EPB41L2: variants seen among roughly 807,000 people sequenced by gnomAD.
EPB41L2 encodes band 4.1-like protein 2.
Under a neutral mutation model 113.0 loss-of-function variants are expected in EPB41L2, and 43 were observed. The observed-to-expected ratio is 0.38, with a 90% CI of 0.30 to 0.49. The LOEUF is 0.49. EPB41L2 is among the 20% of genes least tolerant of loss of function. The pLI is 0.95. For synonymous variants in EPB41L2, 442 were observed against 436.7 expected (o/e 1.01, Z -0.15); for missense variants, 1,147 against 1,223.4 (o/e 0.94, Z 0.93).
intron 1 of EPB41L2, among the ~76,000 whole-genome samples, chr6:130,977,097 G>T (rs1158109195): frequency 1.3e-5 from 2 of 152,166 alleles, no homozygotes; most frequent in African/African-American, 4.8e-5. Context: ...AGGAGCAGAT[G>T]CTACCACTCG....
intron 4 of EPB41L2, among the ~76,000 whole-genome samples, chr6:130,914,418 T>C (rs555680461): frequency 2.6e-5 from 4 of 152,186 alleles, no homozygotes; most frequent in Non-Finnish European, 5.9e-5. Flanking sequence ...CAAAATAGGG[T>C]CACTGTATTC....
chr6:130,900,931 G>T, intron 7 of EPB41L2, 31 bp downstream of exon 7: 1 of 1,605,008 alleles, frequency 6.2e-7, no homozygotes, highest in Non-Finnish European at 8.5e-7. Flanking sequence ...ATCTCCCATG[G>T]CCATTCTCTC....
rs542129510 is a variant in EPB41L2, at chr6:130,873,611, G to A, written c.2044-3485C>T. On this transcript the variant is annotated intron_variant, in intron 14 of 19. Coordinates refer to ENST00000337057, the MANE Select transcript of EPB41L2 (RefSeq NM_001431.4). Reference sequence around the variant, plus strand: ...CTCCCCAGTAGCTGGGATTATAGGCGTGCAGCACCATGCCCAGCTAATTTT... The same window carrying A: ...CTCCCCAGTAGCTGGGATTATAGGCATGCAGCACCATGCCCAGCTAATTTT... Among the ~76,000 whole-genome samples the A allele has an allele frequency of 1.1e-4, 17 of 152,252 alleles. No homozygotes were observed. In the South Asian group the frequency reaches 2.7e-3, roughly 24 times the overall value.
intron 19 of EPB41L2, among the ~76,000 whole-genome samples, chr6:130,850,154 C>T (rs1014589114): frequency 2.0e-5 from 3 of 152,128 alleles, no homozygotes; most frequent in African/African-American, 7.2e-5. Context: ...AGGAGAAACG[C>T]TTGAACCTGG....
intron 3 of EPB41L2, among the ~76,000 whole-genome samples, chr6:130,953,252 T>G (rs1303510584): frequency 6.6e-6 from 1 of 152,060 alleles, no homozygotes; most frequent in Non-Finnish European, 1.5e-5. Flanking sequence ...CTTACTCCTA[T>G]CCCTAAGACC....
chr6:131,023,828 G>A (rs1224721632), intron 1 of EPB41L2, among the ~76,000 whole-genome samples: 1 of 150,810 alleles, frequency 6.6e-6, no homozygotes, highest in Non-Finnish European at 1.5e-5. Flanking sequence ...GTCTATAGGA[G>A]TATTTAACTC....
intron 1 of EPB41L2, among the ~76,000 whole-genome samples, chr6:130,966,085 G>T (rs906893585): frequency 6.6e-6 from 1 of 152,090 alleles, no homozygotes; most frequent in Non-Finnish European, 1.5e-5. Context: ...TTACAAATTT[G>T]TGTTGGGCAG....
intron 1 of EPB41L2, among the ~76,000 whole-genome samples, chr6:130,995,252 A>G (rs1253718579): frequency 6.6e-6 from 1 of 152,126 alleles, no homozygotes; most frequent in East Asian, 1.9e-4. Context: ...GGAGAATGGC[A>G]TGAACCTGGG....
chr6:130,911,333 C>A (rs1799322871), intron 4 of EPB41L2, among the ~76,000 whole-genome samples: 1 of 151,982 alleles, frequency 6.6e-6, no homozygotes, highest in Non-Finnish European at 1.5e-5. Flanking sequence ...AACACATGGA[C>A]ACGGAGAGGG....
chr6:131,052,569 G>C (rs1028138321), intron 1 of EPB41L2, among the ~76,000 whole-genome samples: 12 of 152,140 alleles, frequency 7.9e-5, no homozygotes, highest in Admixed American at 5.2e-4. Context: ...ATAAGGAAAA[G>C]GATAAGGATC....
chr6:130,933,130 G>A (rs3822864), intron 3 of EPB41L2, among the ~76,000 whole-genome samples: 10,950 of 152,212 alleles, frequency 0.072, 616 homozygotes, highest in African/African-American at 0.14. Context: ...TCATCTTTAT[G>A]CAGAAAGGAC....
intron 8 of EPB41L2, among the ~76,000 whole-genome samples, chr6:130,896,294 T>G (rs1214416955): frequency 6.6e-6 from 1 of 152,214 alleles, no homozygotes; most frequent in Non-Finnish European, 1.5e-5. Flanking sequence ...TTTTAAAAAA[T>G]CCAATCAATT....
At chr6:131,043,370 T>C (rs972273680) in intron 1 of EPB41L2, among the ~76,000 whole-genome samples, 4 of 151,496 alleles carry the variant, frequency 2.6e-5, no homozygotes, top group African/African-American at 7.3e-5. Context: ...GGTATACTCT[T>C]TGAGTGGTTT....
At chr6:130,902,315 C>G (rs998540985) in intron 6 of EPB41L2, among the ~76,000 whole-genome samples, 36 of 152,206 alleles carry the variant, frequency 2.4e-4, no homozygotes, top group African/African-American at 7.5e-4. Flanking sequence ...CTTGTTGTTA[C>G]TGGGTCAGAG....
intron 1 of EPB41L2, among the ~76,000 whole-genome samples, chr6:130,998,870 T>C (rs932264464): frequency 3.9e-5 from 6 of 152,292 alleles, no homozygotes; most frequent in Admixed American, 3.3e-4. Context: ...GAAACCTCAG[T>C]GACTCCACTG....
chr6:131,003,928 C>T (rs1011841577), intron 1 of EPB41L2, among the ~76,000 whole-genome samples: 4 of 152,200 alleles, frequency 2.6e-5, no homozygotes, highest in Admixed American at 2.0e-4. Flanking sequence ...GCCCACCCAA[C>T]GCTGTTGAAC....
chr6:131,004,586 A>G (rs1785038227), intron 1 of EPB41L2, among the ~76,000 whole-genome samples: 1 of 152,192 alleles, frequency 6.6e-6, no homozygotes, highest in Non-Finnish European at 1.5e-5. Flanking sequence ...ACTAGCACAC[A>G]TGTGCTCTCC....
intron 1 of EPB41L2, among the ~76,000 whole-genome samples, chr6:131,037,737 C>T (rs934877041): frequency 3.3e-5 from 5 of 151,956 alleles, no homozygotes; most frequent in Admixed American, 2.6e-4. Flanking sequence ...AACAGGCATG[C>T]GTCACCACGC....
intron 14 of EPB41L2, among the ~76,000 whole-genome samples, chr6:130,874,350 T>C (rs936715939): frequency 1.4e-5 from 2 of 145,030 alleles, no homozygotes; most frequent in African/African-American, 5.0e-5. Flanking sequence ...GGTCAAATTA[T>C]ATACTTATGC....
Sources: allele counts gnomAD v4.1 joint callset (sites outside exome capture counted in the v4.1 genomes callset), GRCh38; gene constraint gnomAD v4.1.1; transcripts MANE v1.5; gene names NCBI Gene and HGNC (gene_info 2026-07-23, HGNC 2026-07-21).